Variants in TLL2 observed in about 807,000 individuals in gnomAD.
The protein encoded by TLL2 is tolloid like 2, also known as tolloid-like protein 2.
A neutral mutation model predicts 123.0 loss-of-function variants in TLL2; 106 were observed. The ratio of observed to expected loss-of-function variants is 0.86; its 90% CI spans 0.74 to 1.01. TLL2 has a LOEUF of 1.01. TLL2 is among the 50% of genes least tolerant of loss of function. TLL2 has a pLI of 0.00. For missense variants in TLL2, 1,332 were observed against 1,336.7 expected, an observed-to-expected ratio of 1.00 and a Z score of 0.06; for synonymous variants, 494 against 516.8, an observed-to-expected ratio of 0.96 and a Z score of 0.60.
intron 7 of TLL2, among the ~76,000 whole-genome samples, chr10:96,414,741 T>C (rs1846537723): frequency 1.3e-5 from 2 of 152,050 alleles, no homozygotes; most frequent in South Asian, 2.1e-4. Context: ...ACCAAATTTA[T>C]CACAATTCCA....
chr10:96,477,350 T>A (rs1042457182), intron 2 of TLL2, among the ~76,000 whole-genome samples: 1 of 78,632 alleles, frequency 1.3e-5, no homozygotes, highest in Non-Finnish European at 2.5e-5. Flanking sequence ...ATTTTAATTT[T>A]AATTTTTTTT....
intron 1 of TLL2, among the ~76,000 whole-genome samples, chr10:96,490,487 G>C (rs977205163): frequency 1.2e-4 from 19 of 152,228 alleles, no homozygotes; most frequent in African/African-American, 4.3e-4. Flanking sequence ...GGATAAAACA[G>C]GTCTTGCACA....
intron 8 of TLL2, among the ~76,000 whole-genome samples, chr10:96,411,727 G>A (rs754174178): frequency 6.6e-6 from 1 of 152,212 alleles, no homozygotes. Flanking sequence ...CTTACATGCA[G>A]TTCAACCTCT....
In TLL2 at chr10:96,452,091, T is replaced by A. The variant is rs529080518; in HGVS notation, c.287-5923A>T. 3.9e-5 allele frequency among the ~76,000 whole-genome samples: 6 copies of A among 152,398 alleles called. No homozygotes were observed. The East Asian group carries it at 1.2e-3, about 29-fold the overall frequency. ...TGCTTTGGGCAGCACTGTGCTGGATTCCTGCAGGCAGTGCCTGCCCTCTTG... is the reference window on the plus strand; with the variant it reads ...TGCTTTGGGCAGCACTGTGCTGGATACCTGCAGGCAGTGCCTGCCCTCTTG... On this transcript the variant is annotated intron_variant, in intron 2 of 20. Coordinates refer to ENST00000357947, the MANE Select transcript of TLL2 (RefSeq NM_012465.4).
intron 10 of TLL2, among the ~76,000 whole-genome samples, chr10:96,398,932 C>T (rs1051567969): frequency 7.3e-6 from 1 of 137,092 alleles, no homozygotes; most frequent in Non-Finnish European, 1.5e-5. Flanking sequence ...AACACAATGG[C>T]GTGATCTCAG....
Position 96,367,284 on chromosome 10 carries a change from AGGT to A in TLL2, c.*801_*803del, listed in dbSNP as rs1846037667. The A allele has an allele frequency of 6.6e-6, 1 of 152,186 alleles. No individual in the cohort carries two copies. The highest frequency in any genetic ancestry group is 2.4e-5 in the African/African-American group (1 of 41,414). The allele number at this position is 152,186 out of a possible 1,614,324, so 9.4% of individuals were successfully genotyped here. On this transcript the variant is annotated 3_prime_UTR_variant, in exon 21 of 21. Transcript: ENST00000357947. Reference sequence around the variant, plus strand: ...TTGAAGCCCATGGAATTCCAAGCACAGGTGGAGTCTTCTCAAAGTCAATGAATG... The same window carrying A: ...TTGAAGCCCATGGAATTCCAAGCACAGGAGTCTTCTCAAAGTCAATGAATG...
At chr10:96,395,414 C>T (rs760982006) in intron 12 of TLL2, 32 bp from the exon 13 acceptor site, 2 of 1,537,348 alleles carry the variant, frequency 1.3e-6, no homozygotes, top group Non-Finnish European at 1.7e-6. Context: ...AGGTGGATGG[C>T]AGATGGTTCT....
chr10:96,505,669 T>C (rs976918592), intron 1 of TLL2, among the ~76,000 whole-genome samples: 1 of 152,202 alleles, frequency 6.6e-6, no homozygotes, highest in Non-Finnish European at 1.5e-5. Flanking sequence ...AATTTGCCTC[T>C]AGCACCTGCT....
chr10:96,373,586 C>T lies in TLL2; in HGVS notation c.2662+10G>A, dbSNP rs765895508. 3.1e-6 allele frequency: 5 copies of T among 1,613,328 alleles called. No homozygotes were observed. The highest frequency in any genetic ancestry group is 4.2e-6 in the Non-Finnish European group (5 of 1,179,314). On this transcript the variant is annotated intron_variant, in intron 19 of 20. Transcript: ENST00000357947. ...TCATCAGGTGGAAGCCAGTGTCCCA[C>T]CCCAGGTACCTGTGCTGTGCACTGC...
At chr10:96,441,022 G>A (rs943490210) in intron 3 of TLL2, among the ~76,000 whole-genome samples, 7 of 152,186 alleles carry the variant, frequency 4.6e-5, no homozygotes, top group Non-Finnish European at 1.0e-4. Context: ...GATTTAACAC[G>A]CTGGGGGTAG....
At chr10:96,443,216 G>T (rs1027221444) in intron 3 of TLL2, among the ~76,000 whole-genome samples, 4 of 152,216 alleles carry the variant, frequency 2.6e-5, no homozygotes, top group African/African-American at 9.7e-5. Flanking sequence ...TCTCGTGAAG[G>T]AGTAGAATCT....
In TLL2 at chr10:96,472,748, C is replaced by T. The variant is rs1847196547; in HGVS notation, c.286+7601G>A. ...CCTGAGTGACACAGCAAAATCCTGTCTCAAAAAAAAGAAAAAAAGAAAAAA... is the reference window on the plus strand; with the variant it reads ...CCTGAGTGACACAGCAAAATCCTGTTTCAAAAAAAAGAAAAAAAGAAAAAA... On this transcript the variant is annotated intron_variant, in intron 2 of 20. Coordinates refer to ENST00000357947, the MANE Select transcript of TLL2 (RefSeq NM_012465.4). 4.0e-5 allele frequency among the ~76,000 whole-genome samples: 6 copies of T among 150,906 alleles called. 2 individuals are homozygous for T. The South Asian group carries it at 1.3e-3, about 32-fold the overall frequency.
In TLL2 at chr10:96,443,371, G is replaced by A. The variant is rs1233011793; in HGVS notation, c.364+2720C>T. Among the ~76,000 whole-genome samples, 11 of 152,272 alleles carry A rather than the reference G, an allele frequency of 7.2e-5. No individual in the cohort carries two copies. The South Asian group carries it at 2.3e-3, about 32-fold the overall frequency. ...TTCCCTCTGGGAAGCCAATCACCAT[G>A]CTATGAAAAGTTTCTGATTAGACAA... is the stretch of plus-strand genomic sequence containing the variant. On this transcript the variant is annotated intron_variant, in intron 3 of 20. Transcript: ENST00000357947.
At chr10:96,431,686 G>A (rs1277402594) in intron 4 of TLL2, among the ~76,000 whole-genome samples, 1 of 152,172 alleles carries the variant, frequency 6.6e-6, no homozygotes, top group African/African-American at 2.4e-5. Context: ...CTCCCACAGA[G>A]CTTAGACAGA....
chr10:96,379,797 G>A (rs1181838614), intron 16 of TLL2, among the ~76,000 whole-genome samples: 1 of 152,218 alleles, frequency 6.6e-6, no homozygotes, highest in Non-Finnish European at 1.5e-5. Flanking sequence ...ACTCCAGCCT[G>A]GGCAACAAGA....
intron 4 of TLL2, among the ~76,000 whole-genome samples, chr10:96,428,978 A>T (rs934256059): frequency 9.2e-5 from 14 of 151,892 alleles, no homozygotes; most frequent in Admixed American, 9.2e-4. Context: ...CTAATTTTGT[A>T]TTTTTAGTAG....
At chr10:96,401,990 T>A (rs535842785) in intron 10 of TLL2, among the ~76,000 whole-genome samples, 7 of 152,358 alleles carry the variant, frequency 4.6e-5, no homozygotes, top group Non-Finnish European at 1.0e-4. Flanking sequence ...TCTGGTCTGA[T>A]CTCAGCCACT....
At chr10:96,395,042 A>G in intron 13 of TLL2, 145 bp downstream of exon 13, 1 of 828,878 alleles carries the variant, frequency 1.2e-6, no homozygotes, top group African/African-American at 1.7e-5. Flanking sequence ...GGGGGCTCAC[A>G]CCCAGCTCTG....
chr10:96,369,405 TG>T (rs1846057804), intron 20 of TLL2, among the ~76,000 whole-genome samples: 1 of 152,178 alleles, frequency 6.6e-6, no homozygotes, highest in Non-Finnish European at 1.5e-5. Context: ...GAGAGAAATG[TG>T]AATATAAGAA....
Sources: allele counts gnomAD v4.1 joint callset (sites outside exome capture counted in the v4.1 genomes callset), GRCh38; gene constraint gnomAD v4.1.1; transcripts MANE v1.5; gene names NCBI Gene and HGNC (gene_info 2026-07-23, HGNC 2026-07-21).